L3MBTL4: variants seen among roughly 807,000 people sequenced by gnomAD.
L3MBTL4 encodes the protein lethal(3)malignant brain tumor-like protein 4.
L3MBTL4 carries 70 observed loss-of-function variants against 84.5 expected under a neutral mutation model. The ratio of observed to expected loss-of-function variants is 0.83; its 90% CI spans 0.68 to 1.01. The LOEUF (loss-of-function observed/expected upper bound fraction) is 1.01. Among genes scored for constraint, L3MBTL4 ranks in the 50% least tolerant of loss-of-function variants. The probability of loss-of-function intolerance (pLI) is 0.00; values close to 1 mark genes in which losing one functional copy is unlikely to be tolerated. For missense variants in L3MBTL4, 715 were observed against 754.8 expected (o/e 0.95, Z 0.62); for synonymous variants, 274 against 259.8 (o/e 1.05, Z -0.52).
chr18:5,984,272 G>A (rs1272301106), intron 16 of L3MBTL4, among the ~76,000 whole-genome samples: 1 of 152,160 alleles, frequency 6.6e-6, no homozygotes, highest in Non-Finnish European at 1.5e-5. Context: ...TTAATTCTTT[G>A]GAGGAATGCA....
intron 15 of L3MBTL4, among the ~76,000 whole-genome samples, chr18:6,088,986 T>TAGCAATG (rs1424901243): frequency 4.6e-5 from 7 of 152,304 alleles, no homozygotes; most frequent in Admixed American, 2.6e-4. Flanking sequence ...ATTTTCTTAA[T>TAGCAATG]AGCAATGATA....
In L3MBTL4 at chr18:5,980,470, C is replaced by T. The variant is rs559181999; in HGVS notation, c.1445-10908G>A. Among the ~76,000 whole-genome samples, 17 of 90,206 alleles carry T rather than the reference C, an allele frequency of 1.9e-4. No individual in the cohort carries two copies. The East Asian group carries it at 6.4e-3, about 34-fold the overall frequency. The allele number at this position is 90,206 out of a possible 152,430, so 59.2% of individuals were successfully genotyped here. ...TTTTGAGATGGAGTTTTACTTTTGT[C>T]GCCCAGGCTGGATTGCAATGGCATG... is the stretch of plus-strand genomic sequence containing the variant. On this transcript the variant is annotated intron_variant, in intron 16 of 18. Transcript: ENST00000317931.
chr18:6,257,664 T>TTA (rs1171736766), intron 5 of L3MBTL4, among the ~76,000 whole-genome samples: 1 of 147,568 alleles, frequency 6.8e-6, no homozygotes, highest in African/African-American at 2.6e-5. Context: ...TTTTTTTTTT[T>TTA]AAATGGAGTT....
chr18:6,144,934 C>T (rs968389249), intron 13 of L3MBTL4, among the ~76,000 whole-genome samples: 2 of 152,120 alleles, frequency 1.3e-5, no homozygotes, highest in African/African-American at 4.8e-5. Flanking sequence ...CACAACACTG[C>T]CATCCTTGGA....
chr18:6,031,811 GT>G (rs11333960), intron 16 of L3MBTL4: 452,752 of 894,992 alleles, frequency 0.51, 41,104 homozygotes, highest in Admixed American at 0.67. Context: ...CAGATTCATG[GT>G]TTTTTTTTTT....
intron 13 of L3MBTL4, among the ~76,000 whole-genome samples, chr18:6,166,784 C>A (rs1367812369): frequency 2.0e-5 from 3 of 151,982 alleles, no homozygotes; most frequent in Non-Finnish European, 4.4e-5. Flanking sequence ...GAAGCAAGAG[C>A]AAACACATTC....
intron 12 of L3MBTL4, among the ~76,000 whole-genome samples, chr18:6,194,407 T>C (rs2045281345): frequency 6.6e-6 from 1 of 152,210 alleles, no homozygotes; most frequent in Non-Finnish European, 1.5e-5. Context: ...GGCTGCTAAA[T>C]GCCACCATCA....
chr18:6,346,103 AAT>A (rs34294575), intron 1 of L3MBTL4, among the ~76,000 whole-genome samples: 9,740 of 129,574 alleles, frequency 0.075, 806 homozygotes, highest in African/African-American at 0.22. Flanking sequence ...ATGATGTTGG[AAT>A]ATATATATAT....
chr18:6,328,460 A>G (rs1366100526), intron 1 of L3MBTL4, among the ~76,000 whole-genome samples: 1 of 152,216 alleles, frequency 6.6e-6, no homozygotes, highest in Admixed American at 6.5e-5. Context: ...TGTTCCTAAT[A>G]TCACACCACT....
chr18:6,030,387 T>A (rs1356773670), intron 16 of L3MBTL4: 3 of 985,240 alleles, frequency 3.0e-6, no homozygotes, highest in Non-Finnish European at 3.6e-6. Flanking sequence ...GACTGTGAAA[T>A]GAAAGAAAGC....
intron 16 of L3MBTL4, among the ~76,000 whole-genome samples, chr18:6,032,724 A>G (rs1390128067): frequency 6.6e-6 from 1 of 152,106 alleles, no homozygotes; most frequent in Non-Finnish European, 1.5e-5. Context: ...CCCTCCTCCC[A>G]GCCCTGGCAA....
intron 10 of L3MBTL4, among the ~76,000 whole-genome samples, chr18:6,217,776 G>A (rs981200804): frequency 6.6e-6 from 1 of 151,906 alleles, no homozygotes; most frequent in Non-Finnish European, 1.5e-5. Context: ...TTCCCTTTTG[G>A]ATACATTTAT....
At chr18:6,014,520 G>A (rs955203896) in intron 16 of L3MBTL4, among the ~76,000 whole-genome samples, 4 of 138,286 alleles carry the variant, frequency 2.9e-5, no homozygotes, top group Admixed American at 9.3e-5. Context: ...CAGGGTAAGT[G>A]AAGTCTGCAC....
intron 4 of L3MBTL4, among the ~76,000 whole-genome samples, chr18:6,295,204 G>A (rs1168810353): frequency 3.3e-5 from 5 of 151,678 alleles, no homozygotes; most frequent in Middle Eastern, 3.4e-3. Flanking sequence ...CCTGGGAGGC[G>A]GAAGTTGCAA....
intron 17 of L3MBTL4, among the ~76,000 whole-genome samples, chr18:5,961,056 T>C (rs531903692): frequency 9.8e-5 from 15 of 152,366 alleles, no homozygotes; most frequent in Non-Finnish European, 1.3e-4. Context: ...AGTGCAACAG[T>C]AAATGTAATC....
rs1045654412 is a variant in L3MBTL4 at position 6,264,035 on chromosome 18, G to A, written c.131C>T (p.Pro44Leu). Residue 44 changes from proline to leucine, a missense_variant, in exon 5 of 19, where the codon CCT (proline) becomes CTT (leucine). Coordinates refer to ENST00000317931, the MANE Select transcript of L3MBTL4 (RefSeq NM_001330559.2). ...KDSTTPLSHV[P>L]SAAAQGAWSW... Reference sequence around the variant, plus strand: ...CCATGCTCCCTGTGCAGCCGCTGAAGGGACTGGAAGAGAAAACACAATGAC... The same window carrying A: ...CCATGCTCCCTGTGCAGCCGCTGAAAGGACTGGAAGAGAAAACACAATGAC... The A allele has an allele frequency of 1.9e-6, 3 of 1,609,688 alleles. No individual in the cohort carries two copies. Among genetic ancestry groups the A allele is most frequent in the Non-Finnish European group, 1.7e-6 (2 of 1,176,318 alleles).
At chr18:5,987,576 G>T (rs1432652037) in intron 16 of L3MBTL4, among the ~76,000 whole-genome samples, 2 of 152,186 alleles carry the variant, frequency 1.3e-5, no homozygotes, top group Non-Finnish European at 2.9e-5. Flanking sequence ...ACTGGTTCCA[G>T]CTCCTCCCCT....
At chr18:6,169,155 C>A (rs1008052148) in intron 13 of L3MBTL4, among the ~76,000 whole-genome samples, 1 of 152,026 alleles carries the variant, frequency 6.6e-6, no homozygotes, top group South Asian at 2.1e-4. Context: ...GTTAGAATGG[C>A]GATCATTAAA....
chr18:6,110,610 G>A (rs1217245817), intron 14 of L3MBTL4, among the ~76,000 whole-genome samples: 1 of 107,120 alleles, frequency 9.3e-6, no homozygotes, highest in Admixed American at 9.5e-5. Flanking sequence ...GTGGCATGGG[G>A]GGGTGGGTGT....
Sources: gnomAD v4.1 joint callset for allele counts (sites outside exome capture counted in the v4.1 genomes callset) on GRCh38, gnomAD v4.1.1 for gene constraint, MANE v1.5 for transcripts, NCBI Gene and HGNC (gene_info 2026-07-23, HGNC 2026-07-21) for gene names.